The following KCNIP1 variants were observed in gnomAD, a reference collection of about 807,000 sequenced individuals.
KCNIP1 encodes potassium voltage-gated channel interacting protein 1.
In KCNIP1, 18 loss-of-function variants were observed where a neutral mutation model predicts 33.0. That is an observed-to-expected ratio of 0.55 (90% confidence interval 0.38 to 0.81). The LOEUF is 0.81. Among genes scored for constraint, KCNIP1 ranks in the 30% least tolerant of loss-of-function variants. The probability of loss-of-function intolerance (pLI) is 0.00; values close to 1 mark genes in which losing one functional copy is unlikely to be tolerated. For synonymous variants in KCNIP1, 93 were observed against 98.3 expected (o/e 0.95, Z 0.32); for missense variants, 238 against 271.6 (o/e 0.88, Z 0.87).
intron 1 of KCNIP1, among the ~76,000 whole-genome samples, chr5:170,666,316 TTGTGTGTGTTTGCGTG>T (rs1761699832): frequency 6.6e-6 from 1 of 152,098 alleles, no homozygotes; most frequent in Non-Finnish European, 1.5e-5. Context: ...GGTTTGGGTT[TTGTGTGTGTTTGCGTG>T]TGTGTGTGTT....
chr5:170,639,252 C>T (rs1029984915), intron 1 of KCNIP1: 3 of 152,168 alleles, frequency 2.0e-5, no homozygotes, highest in Non-Finnish European at 2.9e-5. Flanking sequence ...GCGCAAATAC[C>T]GTGTTCACCC....
intron 1 of KCNIP1, among the ~76,000 whole-genome samples, chr5:170,493,442 G>T (rs1182763520): frequency 6.6e-6 from 1 of 152,208 alleles, no homozygotes; most frequent in East Asian, 1.9e-4. Flanking sequence ...TCTTTAGGAA[G>T]ATCCCATTGC....
At chr5:170,516,835 A>C (rs796971827) in intron 1 of KCNIP1, among the ~76,000 whole-genome samples, 1 of 152,204 alleles carries the variant, frequency 6.6e-6, no homozygotes, top group South Asian at 2.1e-4. Context: ...TTGGATTGTC[A>C]TGAGGATTAG....
rs10525595 is a variant in KCNIP1, at chr5:170,597,784, A to AATATATATATATATAT, written c.61+93182_61+93197dup. On this transcript the variant is annotated intron_variant, in intron 1 of 7. Transcript: ENST00000328939. Reference sequence around the variant, plus strand: ...ACTTCTGATGCTGGAGAGAGAGATAAATATATATATATATATATATATATA... The same window carrying AATATATATATATATAT: ...ACTTCTGATGCTGGAGAGAGAGATAAATATATATATATATATATATATATATATATATATATATATA... 3.6e-4 allele frequency among the ~76,000 whole-genome samples: 48 copies of AATATATATATATATAT among 134,444 alleles called. 2 individuals are homozygous for AATATATATATATATAT. The highest frequency in any genetic ancestry group is 9.8e-4 in the African/African-American group (32 of 32,626). The allele number at this position is 134,444 out of a possible 152,430, so 88.2% of individuals were successfully genotyped here.
At chr5:170,638,662 T>C (rs1346549538) in intron 1 of KCNIP1, among the ~76,000 whole-genome samples, 2 of 152,092 alleles carry the variant, frequency 1.3e-5, no homozygotes, top group Non-Finnish European at 2.9e-5. Context: ...TCCTCCTCTC[T>C]ACCCGGGCCA....
chr5:170,481,951 C>A (rs1307106247), intron 1 of KCNIP1, among the ~76,000 whole-genome samples: 1 of 152,148 alleles, frequency 6.6e-6, no homozygotes, highest in Non-Finnish European at 1.5e-5. Flanking sequence ...AAGTCTTGTT[C>A]TTTGTTTCTG....
At chr5:170,623,105 G>C (rs1759670737) in intron 1 of KCNIP1, among the ~76,000 whole-genome samples, 1 of 152,258 alleles carries the variant, frequency 6.6e-6, no homozygotes, top group African/African-American at 2.4e-5. Flanking sequence ...TCTGACAGGA[G>C]CGGAGCTCAG....
chr5:170,365,631 G>C (rs1203059199), intron 1 of KCNIP1, among the ~76,000 whole-genome samples: 1 of 152,176 alleles, frequency 6.6e-6, no homozygotes, highest in Non-Finnish European at 1.5e-5. Context: ...AGGCATCTGG[G>C]GGCTGCAGAC....
chr5:170,359,023 T>C (rs1763428618), intron 1 of KCNIP1, among the ~76,000 whole-genome samples: 1 of 152,190 alleles, frequency 6.6e-6, no homozygotes, highest in Non-Finnish European at 1.5e-5. Flanking sequence ...CAGCCACCTG[T>C]CATGCAAAGG....
At chr5:170,520,718 G>T (rs7443451) in intron 1 of KCNIP1, among the ~76,000 whole-genome samples, 1 of 151,960 alleles carries the variant, frequency 6.6e-6, no homozygotes, top group South Asian at 2.1e-4. Flanking sequence ...CCTCACTCTC[G>T]CCCACCATTG....
chr5:170,387,199 G>A (rs1020153366), intron 1 of KCNIP1, among the ~76,000 whole-genome samples: 1 of 152,108 alleles, frequency 6.6e-6, no homozygotes, highest in Admixed American at 6.5e-5. Flanking sequence ...GGGAATTTAG[G>A]GGAAATTTTA....
intron 1 of KCNIP1, among the ~76,000 whole-genome samples, chr5:170,454,055 G>T (rs1039352233): frequency 6.6e-6 from 1 of 152,226 alleles, no homozygotes; most frequent in African/African-American, 2.4e-5. Flanking sequence ...AGGTATGTTA[G>T]TTGTTACACA....
At chr5:170,370,087 G>A (rs1763802714) in intron 1 of KCNIP1, among the ~76,000 whole-genome samples, 2 of 152,126 alleles carry the variant, frequency 1.3e-5, no homozygotes, top group South Asian at 4.1e-4. Flanking sequence ...CCCTAGAAAT[G>A]AAGCAAGAGG....
intron 1 of KCNIP1, chr5:170,354,065 C>T: frequency 8.9e-7 from 1 of 1,123,924 alleles, no homozygotes; most frequent in Non-Finnish European, 1.3e-6. Context: ...GCACCCAGGT[C>T]TTGGAAAAAG....
intron 1 of KCNIP1, among the ~76,000 whole-genome samples, chr5:170,399,410 G>C (rs997231554): frequency 7.9e-5 from 12 of 152,152 alleles, no homozygotes; most frequent in African/African-American, 2.9e-4. Context: ...TAAACCAGAG[G>C]CCTGGTAAAC....
rs140367808 is a variant in KCNIP1 at position 170,631,984 on chromosome 5, T to C, written c.62-86774T>C. On this transcript the variant is annotated intron_variant, in intron 1 of 7. Coordinates refer to ENST00000328939, the MANE Select transcript of KCNIP1 (RefSeq NM_014592.4). ...GGTGGACCTCCCCTTCCCGGCTGTC[T>C]TTGGTGTCCAGGACGATTTGCCACA... 8.3e-3 allele frequency among the ~76,000 whole-genome samples: 1,265 copies of C among 152,312 alleles called. 12 individuals are homozygous for C. The highest frequency in any genetic ancestry group is 0.029 in the African/African-American group (1,210 of 41,580).
chr5:170,481,860 A>G (rs1161414719), intron 1 of KCNIP1, among the ~76,000 whole-genome samples: 1 of 152,208 alleles, frequency 6.6e-6, no homozygotes, highest in African/African-American at 2.4e-5. Flanking sequence ...GAACTCATCC[A>G]TGGTGGGTTT....
At chr5:170,353,980 T>A (rs1163415758) in intron 1 of KCNIP1, 2 of 1,611,014 alleles carry the variant, frequency 1.2e-6, no homozygotes, top group South Asian at 1.1e-5. Flanking sequence ...GAAACTGGCC[T>A]TGACCCTTGC....
chr5:170,495,729 G>A lies in KCNIP1; in HGVS notation c.88+141765G>A, dbSNP rs56089614. ...TTCCGTGCCACCTCTGCCACAGGTA[G>A]TGAATGCCGCAGCTCAAATGTGCGG... On this transcript the variant is annotated intron_variant, in intron 1 of 7. Transcript: ENST00000377360. Among the ~76,000 whole-genome samples, 352 of 152,336 alleles carry A rather than the reference G, an allele frequency of 2.3e-3. 1 individual carries two copies. The highest frequency in any genetic ancestry group is 4.0e-3 in the Non-Finnish European group (270 of 68,030).
Sources: gnomAD v4.1 joint callset for allele counts (sites outside exome capture counted in the v4.1 genomes callset) on GRCh38, gnomAD v4.1.1 for gene constraint, MANE v1.5 for transcripts, NCBI Gene and HGNC (gene_info 2026-07-23, HGNC 2026-07-21) for gene names.